Variants in LSM6 observed in about 807,000 individuals in gnomAD.
LSM6 encodes LSM6 homolog, U6 small nuclear RNA and mRNA degradation associated, also known as U6 snRNA-associated Sm-like protein LSm6.
Under a neutral mutation model 13.5 loss-of-function variants are expected in LSM6, and 2 were observed. The ratio of observed to expected loss-of-function variants is 0.15; its 90% CI spans 0.06 to 0.47. The LOEUF is 0.47. LSM6 is among the 20% of genes least tolerant of loss of function. The pLI is 0.97. For synonymous variants in LSM6, 43 were observed against 34.9 expected, an observed-to-expected ratio of 1.23 and a Z score of -0.82; for missense variants, 58 against 96.4, an observed-to-expected ratio of 0.60 and a Z score of 1.67.
At chr4:146,185,175 G>A (rs1195800361) in intron 2 of LSM6, among the ~76,000 whole-genome samples, 10 of 152,138 alleles carry the variant, frequency 6.6e-5, no homozygotes, top group Non-Finnish European at 1.0e-4. Flanking sequence ...CCTGGGCTAG[G>A]ATTTACAAGT....
intron 1 of LSM6, 62 bp downstream of exon 1, chr4:146,175,873 C>G (rs1412664520): frequency 1.3e-5 from 2 of 152,484 alleles, no homozygotes; most frequent in Non-Finnish European, 2.9e-5. Context: ...TTCGGTGCCC[C>G]AGTGTTCAGT....
chr4:146,189,394 T>C (rs12502664), intron 3 of LSM6, among the ~76,000 whole-genome samples: 10,734 of 152,242 alleles, frequency 0.071, 454 homozygotes, highest in Middle Eastern at 0.11. Context: ...CTTTAAAGAG[T>C]CAGTGAGACA....
At chr4:146,188,586 C>T (rs771343246) in intron 3 of LSM6, among the ~76,000 whole-genome samples, 7 of 152,108 alleles carry the variant, frequency 4.6e-5, no homozygotes, top group Non-Finnish European at 1.0e-4. Context: ...CCTTACTGTT[C>T]GCTTTGAGCA....
chr4:146,177,785 T>G (rs1730143456), intron 1 of LSM6, among the ~76,000 whole-genome samples: 1 of 152,178 alleles, frequency 6.6e-6, no homozygotes, highest in Non-Finnish European at 1.5e-5. Context: ...CCCACTAGGA[T>G]AGCAGTAGCA....
At chr4:146,188,620 A>G (rs1730398909) in intron 3 of LSM6, among the ~76,000 whole-genome samples, 1 of 152,200 alleles carries the variant, frequency 6.6e-6, no homozygotes, top group Non-Finnish European at 1.5e-5. Context: ...CCGAGTAGGC[A>G]TGGAAGGTGG....
intron 2 of LSM6, among the ~76,000 whole-genome samples, chr4:146,184,659 G>A (rs1045070518): frequency 1.4e-4 from 22 of 152,082 alleles, no homozygotes; most frequent in Admixed American, 1.0e-3. Context: ...ATTAAAGTGA[G>A]GACATTGTGT....
intron 2 of LSM6, among the ~76,000 whole-genome samples, chr4:146,184,325 AT>A (rs1434015925): frequency 6.6e-6 from 1 of 152,090 alleles, no homozygotes; most frequent in African/African-American, 2.4e-5. Flanking sequence ...TGAATAATTA[AT>A]AGTCATAGTA....
intron 1 of LSM6, among the ~76,000 whole-genome samples, chr4:146,177,321 C>G (rs938513085): frequency 2.0e-5 from 3 of 152,216 alleles, no homozygotes; most frequent in Non-Finnish European, 4.4e-5. Context: ...TTGTTTACAT[C>G]ACCTGGGTTA....
At chr4:146,185,899 G>T (rs1393673224) in intron 2 of LSM6, among the ~76,000 whole-genome samples, 1 of 151,922 alleles carries the variant, frequency 6.6e-6, no homozygotes, top group Non-Finnish European at 1.5e-5. Flanking sequence ...ACCATGCCTG[G>T]CTAATTTTTG....
At chr4:146,189,523 A>G (rs1730422456) in intron 3 of LSM6, 99 bp from the exon 4 acceptor site, 2 of 708,232 alleles carry the variant, frequency 2.8e-6, no homozygotes, top group African/African-American at 3.6e-5. Context: ...TAAATGTCAG[A>G]TGTATCAGAC....
At chr4:146,185,469 CAAAACCCCAA>C (rs1008184670) in intron 2 of LSM6, among the ~76,000 whole-genome samples, 4 of 96,970 alleles carry the variant, frequency 4.1e-5, no homozygotes, top group African/African-American at 1.7e-4. Context: ...TTGTGGTTTA[CAAAACCCCAA>C]AAAACCCCAA....
At chr4:146,176,726 T>TG (rs1730118882) in intron 1 of LSM6, 1 of 152,134 alleles carries the variant, frequency 6.6e-6, no homozygotes, top group Non-Finnish European at 1.5e-5. Flanking sequence ...GGGTCCCAGT[T>TG]TAGGTCCCGT....
chr4:146,185,534 C>G (rs1730327432), intron 2 of LSM6, among the ~76,000 whole-genome samples: 2 of 150,812 alleles, frequency 1.3e-5, no homozygotes. Flanking sequence ...AGAAAAACTC[C>G]AGCAACTCTC....
rs1285350377 is a variant in LSM6, at chr4:146,189,603, T to C, written c.209-19T>C. On this transcript the variant is annotated intron_variant, in intron 3 of 3. Transcript: ENST00000296581. ...GCAGGGTTTTTTAAATTTCAATTTATGTATTTTTTTCTTTTCAGTGTTGTA... is the reference window on the plus strand; with the variant it reads ...GCAGGGTTTTTTAAATTTCAATTTACGTATTTTTTTCTTTTCAGTGTTGTA... 2.6e-6 allele frequency: 4 copies of C among 1,550,414 alleles called. No individual in the cohort carries two copies. The highest frequency in any genetic ancestry group is 2.3e-5 in the East Asian group (1 of 44,322).
At chr4:146,182,283 T>C (rs188157347) in intron 1 of LSM6, among the ~76,000 whole-genome samples, 1 of 152,358 alleles carries the variant, frequency 6.6e-6, no homozygotes, top group East Asian at 1.9e-4. Flanking sequence ...CAAAATTACC[T>C]TTAGATTATA....
At chr4:146,178,997 C>CT (rs981583197) in intron 1 of LSM6, among the ~76,000 whole-genome samples, 1 of 152,156 alleles carries the variant, frequency 6.6e-6, no homozygotes, top group East Asian at 1.9e-4. Context: ...AATAAAAGTT[C>CT]TTTTTTTTCT....
intron 1 of LSM6, chr4:146,180,992 G>A (rs1255140267): frequency 6.6e-6 from 1 of 152,206 alleles, no homozygotes; most frequent in East Asian, 1.9e-4. Flanking sequence ...ACTCAGAACA[G>A]TGTAAATAAA....
chr4:146,178,954 A>G (rs1026898752), intron 1 of LSM6, among the ~76,000 whole-genome samples: 1 of 152,226 alleles, frequency 6.6e-6, no homozygotes, highest in Non-Finnish European at 1.5e-5. Flanking sequence ...TAAATTGCTT[A>G]TGAATCTAAC....
chr4:146,176,633 A>G (rs1011302547), intron 1 of LSM6: 3 of 151,716 alleles, frequency 2.0e-5, no homozygotes, highest in Non-Finnish European at 4.4e-5. Context: ...ATCACTTAAC[A>G]GTGTAGTTTT....
Sources: allele counts gnomAD v4.1 joint callset (sites outside exome capture counted in the v4.1 genomes callset), GRCh38; gene constraint gnomAD v4.1.1; transcripts MANE v1.5; gene names NCBI Gene and HGNC (gene_info 2026-07-23, HGNC 2026-07-21).